The following TSPAN1 variants were observed in gnomAD, a reference collection of about 807,000 sequenced individuals.
TSPAN1 encodes the protein tetraspanin-1.
Under a neutral mutation model 26.9 loss-of-function variants are expected in TSPAN1, and 23 were observed. The ratio of observed to expected loss-of-function variants is 0.85; its 90% CI spans 0.62 to 1.21. The LOEUF (loss-of-function observed/expected upper bound fraction) is 1.21. TSPAN1 is among the 50% of genes most tolerant of loss of function. The probability of loss-of-function intolerance (pLI) is 0.00; values close to 1 mark genes in which losing one functional copy is unlikely to be tolerated. For missense variants in TSPAN1, 283 were observed against 298.4 expected, an observed-to-expected ratio of 0.95 and a Z score of 0.38; for synonymous variants, 115 against 114.8, an observed-to-expected ratio of 1.00 and a Z score of -0.01.
chr1:46,184,463 G>C, intron 4 of TSPAN1, 66 bp downstream of exon 4: 1 of 1,610,988 alleles, frequency 6.2e-7, no homozygotes, highest in Non-Finnish European at 8.5e-7. Context: ...CCAGGCCCTG[G>C]GATTCCCAAA....
At chr1:46,190,579 C>A (rs116579447), downstream of TSPAN1, 1 of 1,539,512 alleles carries the variant, frequency 6.5e-7, no homozygotes, top group Non-Finnish European at 9.0e-7. Context: ...ATGGGTAGCA[C>A]TGAGCAGGGC....
downstream of TSPAN1, chr1:46,189,976 G>T: frequency 6.2e-7 from 1 of 1,614,080 alleles, no homozygotes; most frequent in Non-Finnish European, 8.5e-7. Flanking sequence ...CTGTGGTCCA[G>T]AACCTCAGCC....
intron 1 of TSPAN1, chr1:46,176,467 C>A: frequency 6.5e-7 from 1 of 1,535,648 alleles, no homozygotes. Flanking sequence ...CCGAGATGGC[C>A]CCATGGGCAC....
chr1:46,196,205 T>C, the TSPAN1 span: 1 of 1,548,606 alleles, frequency 6.5e-7, no homozygotes, highest in Non-Finnish European at 8.7e-7. This position sits in a 1 kb window ranked among gnomAD's most constrained non-coding sequence, Gnocchi z 4.4. Flanking sequence ...CACACAGTTC[T>C]TTTCCAACTC....
chr1:46,188,707 T>G, downstream of TSPAN1: 2 of 1,598,310 alleles, frequency 1.3e-6, no homozygotes, highest in Non-Finnish European at 1.7e-6. Flanking sequence ...CCTTTTTTAA[T>G]CAATGACCAA....
rs1056762278 is a variant in TSPAN1, at chr1:46,180,649, C to A, written c.-18C>A. On this transcript the variant is annotated 5_prime_UTR_variant, in exon 2 of 9. Coordinates refer to ENST00000372003, the MANE Select transcript of TSPAN1 (RefSeq NM_005727.4). Reference sequence around the variant, plus strand: ...CTCTTTCAGAACTCACTGCCAAGAGCCCTGAACAGGTAATGGGATAGGGAT... The same window carrying A: ...CTCTTTCAGAACTCACTGCCAAGAGACCTGAACAGGTAATGGGATAGGGAT... 1 of 157,268 alleles carries A rather than the reference C, an allele frequency of 6.4e-6. No homozygotes were observed. The highest frequency in any genetic ancestry group is 1.4e-5 in the Non-Finnish European group (1 of 71,472). 9.7% of individuals were successfully genotyped at this position (157,268 alleles called of 1,614,324 possible). A position where few individuals can be genotyped will look rare whatever the true frequency, so the allele number is the denominator to read the frequency against.
At chr1:46,189,459 A>C, downstream of TSPAN1, 1 of 1,613,602 alleles carries the variant, frequency 6.2e-7, no homozygotes, top group Non-Finnish European at 8.5e-7. Context: ...GTCACTCACG[A>C]GTAGGGGGAA....
the TSPAN1 span, chr1:46,192,248 GGT>G: frequency 6.2e-7 from 1 of 1,614,222 alleles, no homozygotes; most frequent in East Asian, 2.2e-5. Flanking sequence ...CCACGATGAA[GGT>G]TAAGATGTTT....
chr1:46,176,224 T>C, intron 1 of TSPAN1: 2 of 1,535,102 alleles, frequency 1.3e-6, no homozygotes, highest in African/African-American at 1.4e-5. Flanking sequence ...GCCCCCTGGC[T>C]AACCTTGAGG....
At chr1:46,194,308 T>C in the TSPAN1 span, 1 of 1,614,202 alleles carries the variant, frequency 6.2e-7, no homozygotes, top group East Asian at 2.2e-5. Flanking sequence ...TGTGGGGTCC[T>C]TGCAGCTGCA....
chr1:46,192,996 CTCTCCATCCTGTGA>C, the TSPAN1 span: 1 of 1,612,538 alleles, frequency 6.2e-7, no homozygotes, highest in Non-Finnish European at 8.5e-7. Context: ...CCAAAGGGGT[CTCTCCATCCTGTGA>C]TCTCCTTTGC....
the TSPAN1 span, chr1:46,193,280 C>G: frequency 6.2e-7 from 1 of 1,613,808 alleles, no homozygotes; most frequent in Non-Finnish European, 8.5e-7. Context: ...GGTGTCTGCC[C>G]CATCCCCACT....
At position 46,185,659 on chromosome 1, in the gene TSPAN1, C is replaced by G; in HGVS notation, c.*126C>G. On this transcript the variant is annotated 3_prime_UTR_variant, in exon 9 of 9. Coordinates refer to ENST00000372003, the MANE Select transcript of TSPAN1 (RefSeq NM_005727.4). ...TCACTTGGGCCAGAATGGACCTGCC[C>G]TTTCTGCTCCAGACTTGGGGCTAGA... 9.2e-7 allele frequency: 1 copy of G among 1,089,464 alleles called. No homozygotes were observed. 67.5% of individuals were successfully genotyped at this position (1,089,464 alleles called of 1,614,324 possible). A position where few individuals can be genotyped will look rare whatever the true frequency, so the allele number is the denominator to read the frequency against.
the TSPAN1 span, chr1:46,196,201 G>T: frequency 3.8e-4 from 592 of 1,554,138 alleles, 4 homozygotes; most frequent in African/African-American, 6.5e-3. The surrounding 1 kb of genome is among the most constrained non-coding windows in gnomAD (Gnocchi z 4.4). Context: ...TGTTCACACA[G>T]TTCTTTTCCA....
downstream of TSPAN1, chr1:46,189,217 T>C (rs758795805): frequency 1.9e-6 from 3 of 1,575,658 alleles, no homozygotes; most frequent in Middle Eastern, 1.7e-4. Context: ...AGGGAAGGGC[T>C]AGCCAGCCTG....
chr1:46,176,464 G>T (rs181848252), intron 1 of TSPAN1: 1 of 1,535,688 alleles, frequency 6.5e-7, no homozygotes, highest in Admixed American at 2.0e-5. Context: ...AAGCCGAGAT[G>T]GCCCCATGGG....
At chr1:46,175,728 G>C (rs1326388067) in intron 1 of TSPAN1, 1 of 400,444 alleles carries the variant, frequency 2.5e-6, no homozygotes, top group Non-Finnish European at 4.4e-6. Flanking sequence ...TCTGCTTCCA[G>C]CCAATCCATC....
downstream of TSPAN1, chr1:46,190,024 G>C: frequency 1.2e-6 from 2 of 1,612,582 alleles, no homozygotes; most frequent in Non-Finnish European, 1.7e-6. Context: ...AGCCAAGACA[G>C]GGCCCACTTC....
At chr1:46,182,040 TAGA>T (rs932788975) in intron 3 of TSPAN1, among the ~76,000 whole-genome samples, 5 of 151,442 alleles carry the variant, frequency 3.3e-5, no homozygotes, top group Middle Eastern at 3.4e-3. Context: ...GGCTGAGGGG[TAGA>T]AGAAGGGGCA....
Sources: gnomAD v4.1 joint callset for allele counts (sites outside exome capture counted in the v4.1 genomes callset) on GRCh38, gnomAD v4.1.1 for gene constraint, Gnocchi (gnomAD v3.1) non-coding constraint, MANE v1.5 for transcripts, NCBI Gene and HGNC (gene_info 2026-07-23, HGNC 2026-07-21) for gene names.